Variants in STRBP observed in about 807,000 individuals in gnomAD.
STRBP encodes spermatid perinuclear RNA binding protein, also known as spermatid perinuclear RNA-binding protein.
A neutral mutation model predicts 80.1 loss-of-function variants in STRBP; 13 were observed. The ratio of observed to expected loss-of-function variants is 0.16; its 90% CI spans 0.11 to 0.26. The LOEUF (loss-of-function observed/expected upper bound fraction) is 0.26, where lower values mean the gene tolerates loss of function less well. Ranked by LOEUF, STRBP falls within the 10% of genes least tolerant of loss-of-function variation. The pLI, the probability that STRBP is intolerant of heterozygous loss-of-function variation, is 1.00. For synonymous variants in STRBP, 284 were observed against 291.2 expected (o/e 0.98, Z 0.25); for missense variants, 485 against 815.2 (o/e 0.59, Z 4.93).
In STRBP at chr9:123,204,065, T is replaced by C. The variant is rs544324279; in HGVS notation, c.-164-19767A>G. On this transcript the variant is annotated intron_variant, in intron 2 of 18. Coordinates refer to ENST00000348403, the MANE Select transcript of STRBP (RefSeq NM_018387.5). ...AGCACATCTGTTTTATTTTTCTGCATAGGATTTACCATTGGCAGATGGTGT... is the reference window on the plus strand; with the variant it reads ...AGCACATCTGTTTTATTTTTCTGCACAGGATTTACCATTGGCAGATGGTGT... Among the ~76,000 whole-genome samples, 6 of 152,318 alleles carry C rather than the reference T, an allele frequency of 3.9e-5. No homozygotes were observed. The South Asian group carries it at 1.2e-3, about 32-fold the overall frequency.
At chr9:123,237,175 A>G (rs1170856586) in intron 1 of STRBP, among the ~76,000 whole-genome samples, 1 of 152,170 alleles carries the variant, frequency 6.6e-6, no homozygotes, top group Non-Finnish European at 1.5e-5. Context: ...AATGTGTGTA[A>G]TAATACTTTG....
chr9:123,110,573 T>C lies in STRBP; in HGVS notation c.*85-820A>G, dbSNP rs2035548630. 5.9e-6 allele frequency: 1 copy of C among 169,352 alleles called. No homozygotes were observed. Among genetic ancestry groups the C allele is most frequent in the Admixed American group, 6.5e-5 (1 of 15,270 alleles). 10.5% of individuals were successfully genotyped at this position (169,352 alleles called of 1,614,324 possible). ...ATAAACACTGCTAGGAGCTAAAAAG[T>C]ATATGGTGTCTGCCCAAGGAAAGGA... On this transcript the variant is annotated intron_variant and NMD_transcript_variant, in intron 3 of 3. Coordinates refer to the STRBP transcript ENST00000471564. This position sits in a 1 kb window ranked among gnomAD's most constrained non-coding sequence, Gnocchi z 4.1.
intron 2 of STRBP, among the ~76,000 whole-genome samples, chr9:123,234,908 T>C (rs1375058107): frequency 1.3e-5 from 2 of 148,974 alleles, no homozygotes; most frequent in African/African-American, 4.9e-5. Context: ...CGCAGTCAGC[T>C]GAGCCTGGGC....
Position 123,179,171 on chromosome 9 carries a change from T to C in STRBP, c.60A>G (p.Thr20=). 3.7e-6 allele frequency: 6 copies of C among 1,612,886 alleles called. No individual in the cohort carries two copies. The highest frequency in any genetic ancestry group is 5.1e-6 in the Non-Finnish European group (6 of 1,178,892). ...CAAGTTCCTCCGGAGATGGATAGAT[T>C]GTTGAATGTTTCACCATAACATGGC... is the stretch of plus-strand genomic sequence containing the variant. The part of the protein sequence containing the change: ...DDRHVMVKHS[T]IYPSPEELEA... Residue 20 remains threonine, a synonymous_variant, in exon 4 of 19, where the codon ACA becomes ACG. Coordinates refer to ENST00000348403, the MANE Select transcript of STRBP (RefSeq NM_018387.5).
At chr9:123,161,994 AT>A (rs1470425843) in intron 6 of STRBP, among the ~76,000 whole-genome samples, 1 of 152,220 alleles carries the variant, frequency 6.6e-6, no homozygotes, top group African/African-American at 2.4e-5. Context: ...GTTTAATACA[AT>A]TAAGTCGGAT....
intron 1 of STRBP, among the ~76,000 whole-genome samples, chr9:123,259,593 C>G (rs1426347916): frequency 5.9e-5 from 9 of 152,168 alleles, no homozygotes; most frequent in African/African-American, 2.2e-4. Flanking sequence ...CCTGTAATCC[C>G]AGATACTGAG....
chr9:123,240,959 C>T (rs1381168893), intron 1 of STRBP, among the ~76,000 whole-genome samples: 1 of 152,130 alleles, frequency 6.6e-6, no homozygotes. Context: ...GCGAGTGGAT[C>T]ATCTGTGGTT....
intron 2 of STRBP, among the ~76,000 whole-genome samples, chr9:123,230,115 T>C (rs193082880): frequency 6.6e-6 from 1 of 152,192 alleles, no homozygotes; most frequent in Admixed American, 6.5e-5. Context: ...AGGAAGGGAA[T>C]GTGAACATCA....
chr9:123,226,183 A>G (rs974928421), intron 2 of STRBP, among the ~76,000 whole-genome samples: 1 of 152,240 alleles, frequency 6.6e-6, no homozygotes, highest in African/African-American at 2.4e-5. Flanking sequence ...AAAATGAGTC[A>G]CACTTAAGAA....
chr9:123,114,957 G>A (rs1424645874), intron 3 of STRBP: 17 of 338,808 alleles, frequency 5.0e-5, no homozygotes, highest in South Asian at 1.0e-4. Context: ...CTCACGCCTC[G>A]CCTGGCCAAT....
intron 12 of STRBP, 112 bp from the exon 13 acceptor site, chr9:123,147,166 G>A (rs2036845897): frequency 9.5e-6 from 7 of 740,710 alleles, no homozygotes; most frequent in South Asian, 6.8e-5. Context: ...TTTTAAATGA[G>A]GATTTCAAAA....
In STRBP at chr9:123,214,145, T is replaced by TACACACAC. The variant is rs138090782; in HGVS notation, c.-165+22677_-165+22684dup. ...TGTGGTGTATATATATATATATGTA[T>TACACACAC]ACACACACACACACACACACACACA... On this transcript the variant is annotated intron_variant, in intron 2 of 18. Coordinates refer to ENST00000348403, the MANE Select transcript of STRBP (RefSeq NM_018387.5). Among the ~76,000 whole-genome samples the TACACACAC allele has an allele frequency of 5.4e-3, 769 of 141,434 alleles. 5 individuals are homozygous for TACACACAC. Among genetic ancestry groups the TACACACAC allele is most frequent in the South Asian group, 0.019 (85 of 4,366 alleles). The allele number at this position is 141,434 out of a possible 152,430, so 92.8% of individuals were successfully genotyped here. A position where few individuals can be genotyped will look rare whatever the true frequency, so the allele number is the denominator to read the frequency against.
intron 2 of STRBP, among the ~76,000 whole-genome samples, chr9:123,227,490 CAG>C (rs1227555401): frequency 2.7e-5 from 4 of 150,862 alleles, no homozygotes; most frequent in African/African-American, 9.8e-5. Context: ...CTGAGTGAAA[CAG>C]GGAGGCAATG....
At chr9:123,166,779 CAACAACAACAACAAA>C (rs2037780901) in intron 6 of STRBP, among the ~76,000 whole-genome samples, 2 of 149,396 alleles carry the variant, frequency 1.3e-5, no homozygotes, top group African/African-American at 5.0e-5. Flanking sequence ...ACAACAACAA[CAACAACAACAACAAA>C]AAAACAAGCC....
intron 2 of STRBP, among the ~76,000 whole-genome samples, chr9:123,207,590 CG>C (rs1156961149): frequency 3.3e-5 from 5 of 151,742 alleles, no homozygotes; most frequent in Admixed American, 3.3e-4. Flanking sequence ...AAAGCGGGGT[CG>C]GGGGCTAGGG....
intron 1 of STRBP, among the ~76,000 whole-genome samples, chr9:123,238,734 C>T (rs2040626769): frequency 1.3e-5 from 2 of 152,128 alleles, no homozygotes; most frequent in Admixed American, 1.3e-4. Context: ...GAAATTTGCC[C>T]TGTCTTTCTA....
Position 123,124,697 on chromosome 9 carries a change from G to A in STRBP, c.*900C>T. On this transcript the variant is annotated 3_prime_UTR_variant, in exon 19 of 19. Transcript: ENST00000348403. ...TCTTACAGAGTGAAGAAGGCCACAA[G>A]AACAAGAGAGGGTGATTGATTGATT... 1 of 985,374 alleles carries A rather than the reference G, an allele frequency of 1.0e-6. No homozygotes were observed. Among genetic ancestry groups the A allele is most frequent in the Non-Finnish European group, 1.2e-6 (1 of 829,914 alleles). The allele number at this position is 985,374 out of a possible 1,614,324, so 61.0% of individuals were successfully genotyped here.
At chr9:123,116,988 A>G (rs1298798750), downstream of STRBP, among the ~76,000 whole-genome samples, 4 of 152,168 alleles carry the variant, frequency 2.6e-5, no homozygotes, top group African/African-American at 9.7e-5. Context: ...AGGGGCCACA[A>G]TGCTTTGCCA....
chr9:123,184,948 A>G (rs1390054006), intron 2 of STRBP, among the ~76,000 whole-genome samples: 3 of 152,196 alleles, frequency 2.0e-5, no homozygotes, highest in Non-Finnish European at 4.4e-5. Context: ...AGATTTCCAC[A>G]GTATTATTTC....
Sources: gnomAD v4.1 joint callset for allele counts (sites outside exome capture counted in the v4.1 genomes callset) on GRCh38, gnomAD v4.1.1 for gene constraint, Gnocchi (gnomAD v3.1) non-coding constraint, MANE v1.5 for transcripts, NCBI Gene and HGNC (gene_info 2026-07-23, HGNC 2026-07-21) for gene names.